The following SNTG1 variants were observed in gnomAD, a reference collection of about 807,000 sequenced individuals.
SNTG1 encodes the protein syntrophin gamma 1, also known as gamma-1-syntrophin.
SNTG1 carries 39 observed loss-of-function variants against 74.7 expected under a neutral mutation model. The ratio of observed to expected loss-of-function variants is 0.52; its 90% CI spans 0.40 to 0.68. SNTG1 has a LOEUF of 0.68. Ranked by LOEUF, SNTG1 falls within the 30% of genes least tolerant of loss-of-function variation. The probability of loss-of-function intolerance (pLI) is 0.00; values close to 1 mark genes in which losing one functional copy is unlikely to be tolerated. For missense variants in SNTG1, 685 were observed against 609.5 expected (o/e 1.12, Z -1.30); for synonymous variants, 254 against 217.1 (o/e 1.17, Z -1.49).
chr8:50,067,640 T>C (rs527260024), intron 1 of SNTG1, among the ~76,000 whole-genome samples: 124 of 152,340 alleles, frequency 8.1e-4, no homozygotes, highest in African/African-American at 2.9e-3. Context: ...TCATGTATTA[T>C]TTTTGTTAGG....
intron 8 of SNTG1, among the ~76,000 whole-genome samples, chr8:50,451,695 T>C (rs899354533): frequency 2.0e-5 from 3 of 152,120 alleles, no homozygotes; most frequent in African/African-American, 7.2e-5. Context: ...GGCCTAAGTG[T>C]TTCCATCATA....
intron 1 of SNTG1, among the ~76,000 whole-genome samples, chr8:50,154,542 C>G (rs901715696): frequency 2.0e-5 from 3 of 152,102 alleles, no homozygotes; most frequent in Non-Finnish European, 4.4e-5. Flanking sequence ...ACCCAGCAGA[C>G]GCCACTGTAA....
intron 2 of SNTG1, among the ~76,000 whole-genome samples, chr8:50,183,789 C>A (rs1456797877): frequency 6.6e-6 from 1 of 152,180 alleles, no homozygotes; most frequent in Non-Finnish European, 1.5e-5. Flanking sequence ...ACTTATGAGT[C>A]ATCATTTGTC....
chr8:50,792,574 A>T, intron 18 of SNTG1, 97 bp from the exon 19 acceptor site: 1 of 1,208,926 alleles, frequency 8.3e-7, no homozygotes, highest in Non-Finnish European at 1.1e-6. Flanking sequence ...CATAGATTCT[A>T]GATAAGTGTA....
chr8:49,948,329 A>C (rs971372842), intron 1 of SNTG1, among the ~76,000 whole-genome samples: 3 of 152,162 alleles, frequency 2.0e-5, no homozygotes, highest in African/African-American at 7.2e-5. Flanking sequence ...ATTATTCATT[A>C]ATTATCATGG....
chr8:49,914,849 A>T (rs906841852), intron 1 of SNTG1: 1 of 152,192 alleles, frequency 6.6e-6, no homozygotes, highest in Non-Finnish European at 1.5e-5. Context: ...GGAAAGAAAA[A>T]AGCATATTGT....
At chr8:50,690,796 G>A (rs1205553411) in intron 15 of SNTG1, among the ~76,000 whole-genome samples, 3 of 152,050 alleles carry the variant, frequency 2.0e-5, no homozygotes, top group Admixed American at 1.3e-4. Context: ...CAATTCCTGG[G>A]TATCCTTGTT....
chr8:50,162,000 G>A (rs560153789), intron 1 of SNTG1, among the ~76,000 whole-genome samples: 5 of 152,160 alleles, frequency 3.3e-5, no homozygotes, highest in Non-Finnish European at 7.3e-5. Context: ...ATTTAGGGAA[G>A]GAGAAAGAGA....
intron 13 of SNTG1, chr8:50,644,476 AT>A (rs1326353062): frequency 1.4e-4 from 22 of 152,158 alleles, no homozygotes; most frequent in Admixed American, 1.4e-3. Flanking sequence ...TTTTCTCTTC[AT>A]GATTTTCTTA....
rs542920371 is a variant in SNTG1 at position 50,361,262 on chromosome 8, C to T, written c.-27-32950C>T. On this transcript the variant is annotated intron_variant, in intron 2 of 18. Transcript: ENST00000642720. ...ACCTCCTCTTGTCCCACTGGAAAGTCTTCAGGGGCATTAACAGCCATGGAA... is the reference window on the plus strand; with the variant it reads ...ACCTCCTCTTGTCCCACTGGAAAGTTTTCAGGGGCATTAACAGCCATGGAA... Among the ~76,000 whole-genome samples, 8 of 152,322 alleles carry T rather than the reference C, an allele frequency of 5.3e-5. 1 individual carries two copies. In the East Asian group the frequency reaches 1.5e-3, roughly 29 times the overall value.
intron 12 of SNTG1, among the ~76,000 whole-genome samples, chr8:50,582,169 T>C (rs2094614420): frequency 6.6e-6 from 1 of 152,156 alleles, no homozygotes; most frequent in African/African-American, 2.4e-5. Context: ...TGATTGCTTG[T>C]TTGTTTTGCT....
intron 2 of SNTG1, among the ~76,000 whole-genome samples, chr8:50,393,960 G>T (rs377186830): frequency 6.6e-6 from 1 of 152,286 alleles, no homozygotes; most frequent in Middle Eastern, 3.4e-3. Flanking sequence ...GGGTGGAAAG[G>T]TGCCTGGAAA....
At chr8:50,285,776 T>A (rs1309188403) in intron 2 of SNTG1, among the ~76,000 whole-genome samples, 3 of 149,148 alleles carry the variant, frequency 2.0e-5, no homozygotes, top group Non-Finnish European at 4.4e-5. Flanking sequence ...CATTCTTTTT[T>A]AAAATGTATT....
chr8:50,422,902 C>T (rs1270884004), intron 4 of SNTG1, among the ~76,000 whole-genome samples: 3 of 152,124 alleles, frequency 2.0e-5, no homozygotes, highest in African/African-American at 7.2e-5. Context: ...TGGCAAAGGG[C>T]TATTACCATT....
intron 1 of SNTG1, among the ~76,000 whole-genome samples, chr8:50,100,276 G>A (rs1318575562): frequency 6.6e-6 from 1 of 152,064 alleles, no homozygotes; most frequent in Non-Finnish European, 1.5e-5. Flanking sequence ...GTGAAGGACA[G>A]AGGGAGGGAA....
intron 12 of SNTG1, among the ~76,000 whole-genome samples, chr8:50,581,894 CAT>C (rs2094612290): frequency 6.6e-6 from 1 of 152,114 alleles, no homozygotes; most frequent in Non-Finnish European, 1.5e-5. Context: ...GTCATACAAA[CAT>C]AAGTATATGT....
chr8:50,541,730 C>T (rs554741173), intron 11 of SNTG1, among the ~76,000 whole-genome samples: 1 of 152,004 alleles, frequency 6.6e-6, no homozygotes, highest in South Asian at 2.1e-4. Flanking sequence ...ACTACAGTCA[C>T]CTTACTAAGC....
chr8:50,527,764 AT>A (rs1015327229), intron 9 of SNTG1, among the ~76,000 whole-genome samples: 9 of 152,160 alleles, frequency 5.9e-5, no homozygotes, highest in African/African-American at 2.2e-4. Flanking sequence ...TGCATAAAAA[AT>A]GTATTGGAAT....
chr8:50,222,754 C>T (rs564600055), intron 2 of SNTG1, among the ~76,000 whole-genome samples: 9 of 152,250 alleles, frequency 5.9e-5, no homozygotes, highest in African/African-American at 2.2e-4. Context: ...GCTTCTCAGC[C>T]TCACAGCATC....
Sources: allele counts gnomAD v4.1 joint callset (sites outside exome capture counted in the v4.1 genomes callset), GRCh38; gene constraint gnomAD v4.1.1; transcripts MANE v1.5; gene names NCBI Gene and HGNC (gene_info 2026-07-23, HGNC 2026-07-21).